The following TRPM3 variants were observed in gnomAD, a reference collection of about 807,000 sequenced individuals.
The protein encoded by TRPM3 is long transient receptor potential channel 3.
A neutral mutation model predicts 181.2 loss-of-function variants in TRPM3; 77 were observed. The ratio of observed to expected loss-of-function variants is 0.42; its 90% CI spans 0.35 to 0.51. The LOEUF is 0.51. Ranked by LOEUF, TRPM3 falls within the 20% of genes least tolerant of loss-of-function variation. TRPM3 has a pLI of 0.01. For synonymous variants in TRPM3, 745 were observed against 796.4 expected (o/e 0.94, Z 1.09); for missense variants, 1,759 against 2,196.7 (o/e 0.80, Z 3.98).
intron 6 of TRPM3, among the ~76,000 whole-genome samples, chr9:70,798,858 G>T (rs1036101134): frequency 6.6e-6 from 1 of 152,148 alleles, no homozygotes; most frequent in Admixed American, 6.5e-5. Context: ...TAACTACGGG[G>T]CCTCAGCAGT....
chr9:70,537,281 C>A lies in TRPM3; in HGVS notation c.3832G>T (p.Ala1278Ser). The part of the protein sequence containing the change: ...LEDLIGRMAT[A>S]LERLTGLERA... ...TCCAGACCTGTCAGGCGCTCCAGGG[C>A]CGTGGCCATGCGCCCGATAAGGTCT... The change falls in exon 26 of 26, where the codon GCC (alanine) becomes TCC (serine). Residue 1278 changes from alanine to serine, a missense_variant. This residue lies in a region of TRPM3 where 612 missense variants were observed against 590.0 expected (regional missense o/e 1.04). Transcript: ENST00000677713. The A allele has an allele frequency of 6.4e-7, 1 of 1,568,946 alleles. No individual in the cohort carries two copies.
rs966617323 is a variant in TRPM3, at chr9:71,346,164, A to G, written c.183+100489T>C. 2.0e-5 allele frequency among the ~76,000 whole-genome samples: 3 copies of G among 152,238 alleles called. No individual in the cohort carries two copies. The South Asian group carries it at 6.2e-4, about 31-fold the overall frequency. ...TATGTGGATATAAAAATTATATGAC[A>G]TATTCATACAATGGAATGCCACTCA... is the stretch of plus-strand genomic sequence containing the variant. On this transcript the variant is annotated intron_variant, in intron 1 of 24. Transcript: ENST00000357533.
chr9:71,048,460 A>T (rs560485464), intron 1 of TRPM3, among the ~76,000 whole-genome samples: 1 of 152,236 alleles, frequency 6.6e-6, no homozygotes, highest in South Asian at 2.1e-4. Context: ...CTCACTGGAC[A>T]TGCATGAATA....
intron 1 of TRPM3, among the ~76,000 whole-genome samples, chr9:70,939,005 C>T (rs1005062134): frequency 6.6e-6 from 1 of 151,668 alleles, no homozygotes; most frequent in African/African-American, 2.4e-5. Flanking sequence ...AAAAAACATT[C>T]ATTTCTTTAA....
chr9:70,784,028 T>TGAAAAC, intron 7 of TRPM3, 77 bp downstream of exon 7: 2 of 1,523,500 alleles, frequency 1.3e-6, no homozygotes, highest in Non-Finnish European at 1.8e-6. Context: ...GTTGAGCTAC[T>TGAAAAC]GAAAACATAA....
At chr9:71,283,766 TA>T (rs2085052800) in intron 1 of TRPM3, among the ~76,000 whole-genome samples, 1 of 152,264 alleles carries the variant, frequency 6.6e-6, no homozygotes, top group Non-Finnish European at 1.5e-5. Flanking sequence ...TTTGGATCTA[TA>T]CCCAGCTCTA....
chr9:71,438,257 A>C (rs2094077771), intron 1 of TRPM3, among the ~76,000 whole-genome samples: 1 of 152,254 alleles, frequency 6.6e-6, no homozygotes, highest in Non-Finnish European at 1.5e-5. Context: ...TGTCCACTAC[A>C]GTTGGATTCT....
intron 1 of TRPM3, among the ~76,000 whole-genome samples, chr9:70,901,262 C>T (rs1417830380): frequency 6.6e-6 from 1 of 152,154 alleles, no homozygotes; most frequent in African/African-American, 2.4e-5. Context: ...CATTGACTTC[C>T]TTGGACACAA....
rs766251800 is a variant in TRPM3, at chr9:70,620,384, C to G, written c.1840-19G>C. The G allele has an allele frequency of 6.3e-7, 1 of 1,592,478 alleles. No individual in the cohort carries two copies. Among genetic ancestry groups the G allele is most frequent in the South Asian group, 1.1e-5 (1 of 88,042 alleles). ...TATCATCCTGTAATTACAGGGAAACCACACAGACTGAGTTAGAAATGAATT... is the reference window on the plus strand; with the variant it reads ...TATCATCCTGTAATTACAGGGAAACGACACAGACTGAGTTAGAAATGAATT... On this transcript the variant is annotated intron_variant, in intron 15 of 25. Coordinates refer to ENST00000677713, the MANE Select transcript of TRPM3 (RefSeq NM_001366145.2).
chr9:70,894,104 T>C (rs73459240), intron 1 of TRPM3, among the ~76,000 whole-genome samples: 49,006 of 152,108 alleles, frequency 0.32, 9,172 homozygotes, highest in Admixed American at 0.42. Context: ...AAGGTGCCCA[T>C]AAGCCATCCC....
In TRPM3 at chr9:71,173,448, T is replaced by A. The variant is rs369532009; in HGVS notation, c.183+273205A>T. 2.0e-5 allele frequency among the ~76,000 whole-genome samples: 3 copies of A among 152,178 alleles called. No individual in the cohort carries two copies. In the South Asian group the frequency reaches 6.2e-4, roughly 32 times the overall value. The stretch of plus-strand genomic sequence containing the variant: ...AAGCAAGTGGTAAATTGTAAACATA[T>A]GTGGAAAGGCAGTATATTTACCATA... On this transcript the variant is annotated intron_variant, in intron 1 of 24. Coordinates refer to the TRPM3 transcript ENST00000357533.
intron 1 of TRPM3, among the ~76,000 whole-genome samples, chr9:70,999,486 T>C (rs1162736911): frequency 2.6e-5 from 4 of 152,154 alleles, no homozygotes; most frequent in East Asian, 1.9e-4. Flanking sequence ...GAAACCTTCA[T>C]GTTTTATGGA....
chr9:71,294,595 T>C (rs1487380440), intron 1 of TRPM3, among the ~76,000 whole-genome samples: 1 of 152,128 alleles, frequency 6.6e-6, no homozygotes, highest in Non-Finnish European at 1.5e-5. Context: ...AATATGAGAA[T>C]ATTCAATGAC....
At chr9:71,071,623 T>G (rs752655844) in intron 1 of TRPM3, among the ~76,000 whole-genome samples, 2 of 152,186 alleles carry the variant, frequency 1.3e-5, no homozygotes, top group African/African-American at 2.4e-5. Flanking sequence ...AAGACCAAAT[T>G]AGTGCATTCT....
At chr9:71,427,783 T>C (rs985864701) in intron 1 of TRPM3, among the ~76,000 whole-genome samples, 1 of 152,028 alleles carries the variant, frequency 6.6e-6, no homozygotes, top group Admixed American at 6.6e-5. Context: ...GGGGCCAGGG[T>C]TGAAAAACTA....
At chr9:70,972,301 C>A (rs2133933912) in intron 1 of TRPM3, among the ~76,000 whole-genome samples, 1 of 152,246 alleles carries the variant, frequency 6.6e-6, no homozygotes, top group Non-Finnish European at 1.5e-5. Context: ...CTAAGTGAAA[C>A]ATTATGCTAA....
intron 1 of TRPM3, among the ~76,000 whole-genome samples, chr9:70,909,250 G>A (rs946478200): frequency 6.6e-6 from 1 of 152,200 alleles, no homozygotes; most frequent in Non-Finnish European, 1.5e-5. Context: ...GGAAGAAAAA[G>A]GATTTGTAAG....
In TRPM3 at chr9:70,536,757, A is replaced by C; in HGVS notation, c.4356T>G (p.Pro1452=). ...CAAGTGTTGCATAGGCACTACTTGAAGGGGCTGTGGAAGGTACTGGAGTTG... is the reference window on the plus strand; with the variant it reads ...CAAGTGTTGCATAGGCACTACTTGACGGGGCTGTGGAAGGTACTGGAGTTG... ...SFSTPVPSTA[P]SSSAYATLAP... Residue 1452 remains proline (P), a synonymous_variant, in exon 26 of 26, where the codon CCT becomes CCG. Transcript: ENST00000677713. 1.9e-6 allele frequency: 3 copies of C among 1,614,176 alleles called. No homozygotes were observed. The highest frequency in any genetic ancestry group is 2.5e-6 in the Non-Finnish European group (3 of 1,180,032).
At chr9:70,818,496 C>A (rs1215634869) in intron 6 of TRPM3, among the ~76,000 whole-genome samples, 3 of 152,184 alleles carry the variant, frequency 2.0e-5, no homozygotes, top group Non-Finnish European at 4.4e-5. Flanking sequence ...CAGCTAATAA[C>A]TGTGGACTGT....
Sources: allele counts gnomAD v4.1 joint callset (sites outside exome capture counted in the v4.1 genomes callset), GRCh38; gene constraint gnomAD v4.1.1; regional missense constraint gnomAD v4.1.1; transcripts MANE v1.5; gene names NCBI Gene and HGNC (gene_info 2026-07-23, HGNC 2026-07-21).